The following CUL4B variants were observed in gnomAD, a reference collection of about 807,000 sequenced individuals.
The protein encoded by CUL4B is cullin 4B, also known as cullin-4B.
Under a neutral mutation model 69.2 loss-of-function variants are expected in CUL4B, and 1 was observed. That is an observed-to-expected ratio of 0.01 (90% CI 0.01 to 0.07). CUL4B has a LOEUF of 0.07. Among genes scored for constraint, CUL4B ranks in the 10% least tolerant of loss-of-function variants. CUL4B has a pLI of 1.00. For missense variants in CUL4B, 328 were observed against 638.8 expected (o/e 0.51, Z 5.24); for synonymous variants, 237 against 223.2 (o/e 1.06, Z -0.55).
chrX:120,539,493 C>T (rs1923863293), intron 11 of CUL4B, 121 bp from the exon 12 acceptor site: 3 of 435,110 alleles, frequency 6.9e-6, no homozygotes. Flanking sequence ...AATTTATATG[C>T]ATTTTTAAAA....
chrX:120,532,148 T>A (rs998866567), intron 18 of CUL4B, among the ~76,000 whole-genome samples: 4 of 111,869 alleles, frequency 3.6e-5, no homozygotes, highest in East Asian at 5.6e-4. Context: ...CCATCTGCCA[T>A]TTTTCGAAGC....
At chrX:120,551,820 T>C (rs1262054382) in intron 2 of CUL4B, among the ~76,000 whole-genome samples, 2 of 111,785 alleles carry the variant, frequency 1.8e-5, no homozygotes, top group African/African-American at 6.5e-5. Flanking sequence ...TATGCTCTCT[T>C]ACTAGTACTA....
At chrX:120,537,642 A>C (rs897754378) in intron 14 of CUL4B, among the ~76,000 whole-genome samples, 2 of 112,133 alleles carry the variant, frequency 1.8e-5, no homozygotes, top group Admixed American at 1.9e-4. Context: ...ACTAAAACCC[A>C]AAAGAGGAAA....
upstream of CUL4B, among the ~76,000 whole-genome samples, chrX:120,561,858 T>C (rs994192899): frequency 9.0e-6 from 1 of 110,945 alleles, no homozygotes; most frequent in African/African-American, 3.3e-5. Context: ...CGAGCTAAGA[T>C]AGGAAGAAAA....
chrX:120,555,224 T>C (rs750693828), intron 2 of CUL4B, among the ~76,000 whole-genome samples: 1 of 112,134 alleles, frequency 8.9e-6, no homozygotes, highest in Non-Finnish European at 1.9e-5. Flanking sequence ...TCAGGAAAAG[T>C]ATTTTCAAAT....
chrX:120,538,775 G>A lies in CUL4B; in HGVS notation c.1742-5C>T, dbSNP rs755331312. ...AGGCCTCAAAAACATCCTTGCCTAT[G>A]TAAAAAGAAATGCAAAATTTATAAT... is the stretch of plus-strand genomic sequence containing the variant. On this transcript the variant is annotated splice_region_variant and splice_polypyrimidine_tract_variant and intron_variant, in intron 12 of 19. Coordinates refer to ENST00000371322, the MANE Select transcript of CUL4B (RefSeq NM_001079872.2). 12 of 1,152,537 alleles carry A rather than the reference G, an allele frequency of 1.0e-5. No individual in the cohort carries two copies. In the African/African-American group the frequency reaches 2.0e-4, roughly 19 times the overall value. The allele number at this position is 1,152,537 out of a possible 1,213,427, so 95.0% of individuals were successfully genotyped here.
chrX:120,542,773 T>C (rs766991083), intron 9 of CUL4B, among the ~76,000 whole-genome samples, 193 bp downstream of exon 9: 1 of 111,358 alleles, frequency 9.0e-6, no homozygotes, highest in Admixed American at 9.6e-5. Flanking sequence ...CCCTCTCTTC[T>C]AGTTCCTGTA....
chrX:120,542,780 T>G (rs970792857), intron 9 of CUL4B, among the ~76,000 whole-genome samples, 186 bp downstream of exon 9: 1 of 111,237 alleles, frequency 9.0e-6, no homozygotes, highest in Non-Finnish European at 1.9e-5. Context: ...TTCTAGTTCC[T>G]GTATCTTTCA....
At chrX:120,559,742 GAAAT>G (rs931687004) in intron 1 of CUL4B, 16 of 1,011,868 alleles carry the variant, frequency 1.6e-5, no homozygotes, top group African/African-American at 1.2e-4. Flanking sequence ...CTATGCACCT[GAAAT>G]AAATAAACCT....
intron 2 of CUL4B, among the ~76,000 whole-genome samples, chrX:120,552,148 A>G (rs1412046613): frequency 8.9e-6 from 1 of 112,395 alleles, no homozygotes; most frequent in African/African-American, 3.2e-5. Flanking sequence ...TTACACTAAT[A>G]AAACACTTTG....
chrX:120,534,404 T>C, intron 17 of CUL4B, 77 bp downstream of exon 17: 2 of 711,284 alleles, frequency 2.8e-6, no homozygotes, highest in South Asian at 4.3e-5. Flanking sequence ...GGCAAGGAAT[T>C]ATTCCTATAA....
upstream of CUL4B, among the ~76,000 whole-genome samples, chrX:120,562,793 C>G (rs929480725): frequency 9.0e-6 from 1 of 111,663 alleles, no homozygotes; most frequent in African/African-American, 3.3e-5. Context: ...AGTAGGATGT[C>G]TGGCTGGGAG....
At chrX:120,550,657 G>C (rs1489719339) in intron 2 of CUL4B, among the ~76,000 whole-genome samples, 1 of 111,860 alleles carries the variant, frequency 8.9e-6, no homozygotes, top group East Asian at 2.8e-4. Context: ...AGAACTTTAA[G>C]GCAAGAAAGG....
chrX:120,574,557 C>A (rs1925812906), exon 2 of CUL4B: 1 of 1,201,962 alleles, frequency 8.3e-7, no homozygotes, highest in South Asian at 1.8e-5. Flanking sequence ...TCACCACCGT[C>A]TTTAGAGGTA....
At position 120,550,648 on chromosome X, in the gene CUL4B, G is replaced by C. The variant is rs73620006; in HGVS notation, c.673-3409C>G. 7.5e-3 allele frequency among the ~76,000 whole-genome samples: 843 copies of C among 111,981 alleles called. 6 individuals carry two copies. The highest frequency in any genetic ancestry group is 0.037 in the Middle Eastern group (8 of 217). ...TGTGTTTGGCTGGAGGGTGGTTTAA[G>C]AACTTTAAGGCAAGAAAGGCAGGAG... On this transcript the variant is annotated intron_variant, in intron 2 of 19. Transcript: ENST00000371322.
Position 120,532,512 on chromosome X carries a change from G to A in CUL4B, c.2349C>T (p.Asp783=), listed in dbSNP as rs1309293998. The stretch of plus-strand genomic sequence containing the variant: ...AAATGAACTTGTCACCATCTTCAAT[G>A]TCTTTGCCCTTTGGATTTTTCGCCA... ...RVLAKNPKGK[D]IEDGDKFICN... is the part of the protein sequence containing the mutation. The change falls in exon 18 of 20, where the codon GAC becomes GAT. Residue 783 remains aspartate (D), a synonymous_variant. Coordinates refer to ENST00000371322, the MANE Select transcript of CUL4B (RefSeq NM_001079872.2). The A allele has an allele frequency of 2.5e-6, 3 of 1,207,067 alleles. No homozygotes were observed. The East Asian group carries it at 8.9e-5, about 36-fold the overall frequency.
In CUL4B at chrX:120,535,858, T is replaced by A; in HGVS notation, c.2132A>T (p.His711Leu). 1 of 1,204,199 alleles carries A rather than the reference T, an allele frequency of 8.3e-7. No individual in the cohort carries two copies. Among genetic ancestry groups the A allele is most frequent in the Non-Finnish European group, 1.1e-6 (1 of 888,826 alleles). ...TTTAAATTCTGCTTTTAACACACAGTGTCCTAGGGTTGACTGCCACTGAAG... is the reference window on the plus strand; with the variant it reads ...TTTAAATTCTGCTTTTAACACACAGAGTCCTAGGGTTGACTGCCACTGAAG... ...RKLQWQSTLG[H>L]CVLKAEFKEG... The change falls in exon 16 of 20, where the codon CAC (histidine) becomes CTC (leucine). Residue 711 changes from histidine to leucine, a missense_variant. Physicochemically the swap from His to Leu is moderately conservative, Grantham distance 99 (BLOSUM62 -3). Around this residue, in one of 4 missense-constraint regions of CUL4B, gnomAD observed 98 missense variants for 296.8 expected, o/e 0.33. Transcript: ENST00000371322.
chrX:120,565,503 G>A (rs1325183015), upstream of CUL4B, among the ~76,000 whole-genome samples: 3 of 106,427 alleles, frequency 2.8e-5, no homozygotes, highest in East Asian at 3.0e-4. Flanking sequence ...GCAACATGGC[G>A]ATACCCTGTC....
intron 12 of CUL4B, among the ~76,000 whole-genome samples, chrX:120,539,012 C>T (rs1192646253): frequency 9.0e-6 from 1 of 111,636 alleles, no homozygotes; most frequent in African/African-American, 3.3e-5. Flanking sequence ...TTCAGAAAAG[C>T]TTTTGTGGAC....
Sources: gnomAD v4.1 joint callset for allele counts (sites outside exome capture counted in the v4.1 genomes callset) on GRCh38, gnomAD v4.1.1 for gene constraint, gnomAD v4.1.1 regional missense constraint, MANE v1.5 for transcripts, NCBI Gene and HGNC (gene_info 2026-07-23, HGNC 2026-07-21) for gene names.